The following ADAMTS13 variants were observed in gnomAD, a reference collection of about 807,000 sequenced individuals.
The protein encoded by ADAMTS13 is ADAM metallopeptidase with thrombospondin type 1 motif 13, also known as A disintegrin and metalloproteinase with thrombospondin motifs 13.
A neutral mutation model predicts 155.1 loss-of-function variants in ADAMTS13; 110 were observed. The observed-to-expected ratio is 0.71, with a 90% confidence interval of 0.61 to 0.83. The LOEUF (loss-of-function observed/expected upper bound fraction) is 0.83, where lower values mean the gene tolerates loss of function less well. Among genes scored for constraint, ADAMTS13 ranks in the 40% least tolerant of loss-of-function variants. The pLI, the probability that ADAMTS13 is intolerant of heterozygous loss-of-function variation, is 0.00. For missense variants in ADAMTS13, 1,707 were observed against 1,891.7 expected (o/e 0.90, Z 1.81); for synonymous variants, 758 against 756.4 (o/e 1.00, Z -0.03).
intron 21 of ADAMTS13, among the ~76,000 whole-genome samples, chr9:133,446,541 T>C (rs891454910): frequency 1.3e-5 from 2 of 152,276 alleles, no homozygotes; most frequent in Admixed American, 1.3e-4. Flanking sequence ...GATTCCATTG[T>C]GAGTGTATCC....
chr9:133,418,285 CTGGGG>C (rs1839800151), upstream of ADAMTS13, among the ~76,000 whole-genome samples: 1 of 152,226 alleles, frequency 6.6e-6, no homozygotes, highest in African/African-American at 2.4e-5. Flanking sequence ...GGCAGCTGAG[CTGGGG>C]GCACTGGGCG....
Position 133,442,495 on chromosome 9 carries a change from G to C in ADAMTS13, c.2065G>C (p.Ala689Pro). ...QPKPRQAWVW[A>P]AVRGPCSVSC... ...TAAGCCACGGCAGGCCTGGGTGTGG[G>C]CCGCTGTGCGTGGGCCCTGCTCGGT... Residue 689 changes from alanine (A) to proline (P), a missense_variant, in exon 17 of 29, where the codon GCC becomes CCC. This residue lies in a region of ADAMTS13 where 961 missense variants were observed against 1,107.9 expected (regional missense o/e 0.87). Coordinates refer to ENST00000355699, the MANE Select transcript of ADAMTS13 (RefSeq NM_139027.6). 6.2e-7 allele frequency: 1 copy of C among 1,613,708 alleles called. No individual in the cohort carries two copies. Among genetic ancestry groups the C allele is most frequent in the Non-Finnish European group, 8.5e-7 (1 of 1,180,030 alleles).
chr9:133,448,548 C>G, intron 21 of ADAMTS13, 51 bp from the exon 22 acceptor site: 1 of 1,602,980 alleles, frequency 6.2e-7, no homozygotes, highest in Non-Finnish European at 8.5e-7. Flanking sequence ...GGGCTGCAGT[C>G]CTTGCTGAGC....
intron 23 of ADAMTS13, among the ~76,000 whole-genome samples, chr9:133,451,990 A>AT (rs111537834): frequency 0.018 from 2,567 of 142,748 alleles, 33 homozygotes; most frequent in Non-Finnish European, 0.027. Flanking sequence ...GGACCAAAGG[A>AT]TTTTTTTTTT....
At chr9:133,443,712 G>A (rs587686031) in intron 19 of ADAMTS13, 151 bp downstream of exon 19, 2 of 880,586 alleles carry the variant, frequency 2.3e-6, no homozygotes, top group East Asian at 5.5e-5. Flanking sequence ...CCTGGCGGTT[G>A]TAAGTGCTGC....
At chr9:133,420,290 C>T (rs1469972732), upstream of ADAMTS13, among the ~76,000 whole-genome samples, 3 of 151,948 alleles carry the variant, frequency 2.0e-5, no homozygotes, top group Non-Finnish European at 2.9e-5. Context: ...CCGCGTGCCT[C>T]GTGATCCACC....
At chr9:133,453,330 G>A in intron 23 of ADAMTS13, among the ~76,000 whole-genome samples, 1 of 152,160 alleles carries the variant, frequency 6.6e-6, no homozygotes, top group African/African-American at 2.4e-5. Context: ...CAGCTACTTG[G>A]GAGGCTGAGG....
intron 7 of ADAMTS13, 191 bp from the exon 8 acceptor site, chr9:133,429,748 C>T (rs1214685853): frequency 7.5e-6 from 6 of 796,356 alleles, no homozygotes; most frequent in African/African-American, 6.8e-5. Context: ...ACCTCTGCGC[C>T]GGCAGGAGCC....
intron 13 of ADAMTS13, 43 bp downstream of exon 13, chr9:133,437,940 G>A (rs932790294): frequency 1.2e-5 from 20 of 1,611,638 alleles, no homozygotes; most frequent in African/African-American, 9.3e-5. Flanking sequence ...GGGCCTACCT[G>A]TCCTATCGGA....
At position 133,448,816 on chromosome 9, in the gene ADAMTS13, G is replaced by A. The variant is rs1842243416; in HGVS notation, c.2861+88G>A. The A allele has an allele frequency of 6.5e-6, 10 of 1,533,280 alleles. 1 individual carries two copies. Among genetic ancestry groups the A allele is most frequent in the Non-Finnish European group, 8.8e-6 (10 of 1,142,224 alleles). The allele number at this position is 1,533,280 out of a possible 1,614,324, so 95.0% of individuals were successfully genotyped here. A position where few individuals can be genotyped will look rare whatever the true frequency, so the allele number is the denominator to read the frequency against. On this transcript the variant is annotated intron_variant, in intron 22 of 28. Coordinates refer to ENST00000355699, the MANE Select transcript of ADAMTS13 (RefSeq NM_139027.6). ...GGCTCCATGCCCGGTGACCTGCGGA[G>A]GGGGGCAGGTGCTGCTGGCTGTGCA...
chr9:133,436,125 G>A, intron 11 of ADAMTS13, among the ~76,000 whole-genome samples: 1 of 150,724 alleles, frequency 6.6e-6, no homozygotes, highest in South Asian at 2.1e-4. Flanking sequence ...CCTGTTTTCT[G>A]TTTTTTGATT....
chr9:133,455,962 G>A (rs1842717003), intron 25 of ADAMTS13, 107 bp from the exon 26 acceptor site: 2 of 1,490,094 alleles, frequency 1.3e-6, no homozygotes, highest in South Asian at 1.1e-5. Context: ...TTGGAGGACA[G>A]GGTCCACCCC....
At chr9:133,427,447 A>AC (rs1564410733) in intron 6 of ADAMTS13, among the ~76,000 whole-genome samples, 1 of 152,150 alleles carries the variant, frequency 6.6e-6, no homozygotes, top group East Asian at 1.9e-4. Context: ...TTGCCCACCA[A>AC]CCCCCACCCG....
upstream of ADAMTS13, among the ~76,000 whole-genome samples, chr9:133,421,215 G>A (rs1162993164): frequency 6.6e-6 from 1 of 152,210 alleles, no homozygotes; most frequent in Admixed American, 6.5e-5. Context: ...GCAGTGAGCC[G>A]AGATCGTGCC....
intron 23 of ADAMTS13, among the ~76,000 whole-genome samples, chr9:133,450,920 C>T (rs1554794184): frequency 6.6e-6 from 1 of 152,138 alleles, no homozygotes; most frequent in African/African-American, 2.4e-5. Flanking sequence ...GAGGAGGCAG[C>T]ATTTGAGCAG....
In ADAMTS13 at chr9:133,438,352, C is replaced by T. The variant is rs140628579; in HGVS notation, c.1691C>T (p.Ala564Val). The change falls in exon 14 of 29, where the codon GCT becomes GTT. Residue 564 changes from alanine to valine, a missense_variant. Ala to Val is a moderately conservative substitution (Grantham distance 64, BLOSUM62 0). Transcript: ENST00000355699. ...AGCCCACGGAAGGGCTCTTTCACAG[C>T]TGGCAGAGCGAGAGGTAGGCGGCCT... The part of the protein sequence containing the change: ...TCSPRKGSFT[A>V]GRAREYVTFL... 2 of 1,613,898 alleles carry T rather than the reference C, an allele frequency of 1.2e-6. No homozygotes were observed. Among genetic ancestry groups the T allele is most frequent in the South Asian group, 1.1e-5 (1 of 91,086 alleles).
Position 133,442,642 on chromosome 9 carries a change from G to C in ADAMTS13, c.2133G>C (p.Leu711=), listed in dbSNP as rs1554791218. 8.1e-6 allele frequency: 13 copies of C among 1,613,256 alleles called. No individual in the cohort carries two copies. Among genetic ancestry groups the C allele is most frequent in the Non-Finnish European group, 1.1e-5 (13 of 1,180,024 alleles). Residue 711 remains leucine, a synonymous_variant, in exon 18 of 29, where the codon CTG becomes CTC. Transcript: ENST00000355699. ...AGLRWVNYSC[L]DQARKELVET... ...TGCGCTGGGTAAACTACAGCTGCCT[G>C]GACCAGGCCAGGAAGGAGTTGGTGG...
upstream of ADAMTS13, chr9:133,417,878 C>T (rs1554782084): frequency 3.8e-6 from 6 of 1,585,508 alleles, no homozygotes; most frequent in East Asian, 1.3e-4. Flanking sequence ...CCGGCGGCCA[C>T]CCGAGACCCC....
chr9:133,444,239 G>A (rs1276992659), intron 19 of ADAMTS13, among the ~76,000 whole-genome samples: 2 of 152,176 alleles, frequency 1.3e-5, no homozygotes, highest in Non-Finnish European at 2.9e-5. Flanking sequence ...CTTGAACCTG[G>A]TGATCCAATT....
Sources: allele counts gnomAD v4.1 joint callset (sites outside exome capture counted in the v4.1 genomes callset), GRCh38; gene constraint gnomAD v4.1.1; regional missense constraint gnomAD v4.1.1; transcripts MANE v1.5; gene names NCBI Gene and HGNC (gene_info 2026-07-23, HGNC 2026-07-21).